Variants in PTPN14 observed in about 807,000 individuals in gnomAD.
PTPN14 encodes protein tyrosine phosphatase non-receptor type 14.
PTPN14 carries 53 observed loss-of-function variants against 126.8 expected under a neutral mutation model. The ratio of observed to expected loss-of-function variants is 0.42; its 90% CI spans 0.34 to 0.53. PTPN14 has a LOEUF of 0.53. Among genes scored for constraint, PTPN14 ranks in the 20% least tolerant of loss-of-function variants. PTPN14 has a pLI of 0.08. For missense variants in PTPN14, 1,257 were observed against 1,552.9 expected, an observed-to-expected ratio of 0.81 and a Z score of 3.20; for synonymous variants, 630 against 599.3, an observed-to-expected ratio of 1.05 and a Z score of -0.75.
chr1:214,466,110 C>T (rs574899289), intron 1 of PTPN14, among the ~76,000 whole-genome samples: 1 of 151,464 alleles, frequency 6.6e-6, no homozygotes, highest in East Asian at 1.9e-4. Flanking sequence ...GCACCCGCCA[C>T]CACACCTGGC....
intron 3 of PTPN14, among the ~76,000 whole-genome samples, chr1:214,447,201 T>C (rs915881653): frequency 1.3e-5 from 2 of 152,128 alleles, no homozygotes; most frequent in African/African-American, 4.8e-5. Flanking sequence ...TCCTCTGGAA[T>C]CCTGCCCCAC....
At chr1:214,549,207 T>C (rs536029741) in intron 1 of PTPN14, among the ~76,000 whole-genome samples, 97 of 152,246 alleles carry the variant, frequency 6.4e-4, no homozygotes, top group African/African-American at 2.3e-3. Context: ...TGAACAATAC[T>C]ACAACACCAC....
intron 1 of PTPN14, among the ~76,000 whole-genome samples, chr1:214,522,015 C>A (rs1359745417): frequency 6.9e-6 from 1 of 145,482 alleles, no homozygotes; most frequent in African/African-American, 2.6e-5. Flanking sequence ...CGGCTCACTG[C>A]AACCTCCACT....
chr1:214,463,695 C>T (rs12084476), intron 2 of PTPN14, among the ~76,000 whole-genome samples: 6 of 152,170 alleles, frequency 3.9e-5, no homozygotes, highest in Non-Finnish European at 7.3e-5. Flanking sequence ...CTTCTGTCAT[C>T]GAGGTCCTGG....
At chr1:214,498,551 C>T (rs1227186182) in intron 1 of PTPN14, among the ~76,000 whole-genome samples, 2 of 151,824 alleles carry the variant, frequency 1.3e-5, no homozygotes, top group African/African-American at 4.8e-5. Flanking sequence ...AAAAGAGAAT[C>T]AAATATGATT....
At chr1:214,418,678 T>G (rs1409473575) in intron 3 of PTPN14, among the ~76,000 whole-genome samples, 1 of 152,246 alleles carries the variant, frequency 6.6e-6, no homozygotes, top group African/African-American at 2.4e-5. Flanking sequence ...ACTTAGACAG[T>G]CTGAGCTACA....
At chr1:214,377,860 C>A in intron 14 of PTPN14, 99 bp downstream of exon 14, 3 of 1,370,484 alleles carry the variant, frequency 2.2e-6, no homozygotes, top group Non-Finnish European at 3.0e-6. Context: ...AGAAAGAATG[C>A]ATCACACAAA....
chr1:214,454,825 A>T (rs1660347615), intron 2 of PTPN14, among the ~76,000 whole-genome samples: 1 of 152,228 alleles, frequency 6.6e-6, no homozygotes, highest in African/African-American at 2.4e-5. Context: ...ACTATGGAAG[A>T]AACGGGGTGT....
At chr1:214,409,725 AATACTCCTCAT>A (rs1659257277) in intron 5 of PTPN14, among the ~76,000 whole-genome samples, 1 of 149,124 alleles carries the variant, frequency 6.7e-6, no homozygotes, top group Non-Finnish European at 1.5e-5. Flanking sequence ...CCTCATGCTC[AATACTCCTCAT>A]GCTCAGTAAG....
At chr1:214,443,070 G>A (rs951320804) in intron 3 of PTPN14, among the ~76,000 whole-genome samples, 8 of 152,064 alleles carry the variant, frequency 5.3e-5, no homozygotes, top group Admixed American at 3.9e-4. Context: ...TGATCCACCC[G>A]CCTCAGCCTC....
At chr1:214,501,604 C>A (rs1654701687) in intron 1 of PTPN14, among the ~76,000 whole-genome samples, 1 of 152,090 alleles carries the variant, frequency 6.6e-6, no homozygotes, top group Non-Finnish European at 1.5e-5. Context: ...TAACCCTATG[C>A]CTCTCTTTTT....
At chr1:214,360,137 TAAGC>T (rs1657920510) in intron 18 of PTPN14, among the ~76,000 whole-genome samples, 1 of 152,194 alleles carries the variant, frequency 6.6e-6, no homozygotes, top group Admixed American at 6.5e-5. Context: ...TTTCAAGGGC[TAAGC>T]AAGTGTTTAA....
At chr1:214,396,861 G>T (rs1227359462) in intron 8 of PTPN14, among the ~76,000 whole-genome samples, 1 of 152,114 alleles carries the variant, frequency 6.6e-6, no homozygotes, top group African/African-American at 2.4e-5. Context: ...CTTTGAATGG[G>T]TATAAAAATT....
At chr1:214,425,585 A>G (rs1273548431) in intron 3 of PTPN14, among the ~76,000 whole-genome samples, 2 of 152,200 alleles carry the variant, frequency 1.3e-5, no homozygotes, top group African/African-American at 2.4e-5. Context: ...GGATATTATT[A>G]TGGCCACATA....
intron 1 of PTPN14, among the ~76,000 whole-genome samples, chr1:214,514,521 G>A (rs1033670120): frequency 3.3e-5 from 5 of 152,170 alleles, no homozygotes; most frequent in African/African-American, 9.7e-5. Flanking sequence ...TTGTAAAGGT[G>A]CAGATTGCCA....
At chr1:214,476,745 G>A (rs948839324) in intron 1 of PTPN14, among the ~76,000 whole-genome samples, 5 of 152,132 alleles carry the variant, frequency 3.3e-5, no homozygotes, top group Non-Finnish European at 4.4e-5. Flanking sequence ...CCATGGGTCC[G>A]AAGCTGGCTC....
intron 3 of PTPN14, among the ~76,000 whole-genome samples, chr1:214,425,223 A>C (rs1160044124): frequency 6.6e-6 from 1 of 152,222 alleles, no homozygotes; most frequent in Non-Finnish European, 1.5e-5. Context: ...CACAAAAAGC[A>C]TTATGATCAT....
At chr1:214,530,674 C>G (rs1329638816) in intron 1 of PTPN14, 2 of 152,288 alleles carry the variant, frequency 1.3e-5, no homozygotes, top group East Asian at 3.9e-4. Flanking sequence ...AGCCTCAACT[C>G]TTCCAAAATA....
chr1:214,484,427 T>C (rs1481184688), intron 1 of PTPN14, among the ~76,000 whole-genome samples: 1 of 152,056 alleles, frequency 6.6e-6, no homozygotes, highest in Non-Finnish European at 1.5e-5. Context: ...AAATAATAAA[T>C]AAACATGAAT....
Sources: allele counts gnomAD v4.1 joint callset (sites outside exome capture counted in the v4.1 genomes callset), GRCh38; gene constraint gnomAD v4.1.1; transcripts MANE v1.5; gene names NCBI Gene and HGNC (gene_info 2026-07-23, HGNC 2026-07-21).